The following CHST11 variants were observed in gnomAD, a reference collection of about 807,000 sequenced individuals.
The protein encoded by CHST11 is carbohydrate sulfotransferase 11, also known as C4S-1.
Under a neutral mutation model 30.4 loss-of-function variants are expected in CHST11, and 9 were observed. The ratio of observed to expected loss-of-function variants is 0.30; its 90% CI spans 0.18 to 0.52. The LOEUF is 0.52. Among genes scored for constraint, CHST11 ranks in the 20% least tolerant of loss-of-function variants. CHST11 has a pLI of 0.97. For missense variants in CHST11, 348 were observed against 460.6 expected, an observed-to-expected ratio of 0.76 and a Z score of 2.24; for synonymous variants, 152 against 187.8, an observed-to-expected ratio of 0.81 and a Z score of 1.56.
At chr12:104,556,806 C>T (rs1459367692) in intron 1 of CHST11, among the ~76,000 whole-genome samples, 1 of 152,092 alleles carries the variant, frequency 6.6e-6, no homozygotes, top group Non-Finnish European at 1.5e-5. Flanking sequence ...CATGGTGAAA[C>T]CCTGTCTCTA....
Position 104,600,875 on chromosome 12 carries a change from C to T in CHST11, c.119-1031C>T, listed in dbSNP as rs539951613. On this transcript the variant is annotated intron_variant, in intron 1 of 2. Coordinates refer to ENST00000303694, the MANE Select transcript of CHST11 (RefSeq NM_018413.6). This position sits in a 1 kb window ranked among gnomAD's most constrained non-coding sequence, Gnocchi z 4.1. Reference sequence around the variant, plus strand: ...TTTTCCCTCTCTCCTTCTTTCCTTTCTTCCTTCCCTCCCTTCTTCCCTCCT... The same window carrying T: ...TTTTCCCTCTCTCCTTCTTTCCTTTTTTCCTTCCCTCCCTTCTTCCCTCCT... Among the ~76,000 whole-genome samples, 4 of 150,476 alleles carry T rather than the reference C, an allele frequency of 2.7e-5. No individual in the cohort carries two copies. Among genetic ancestry groups the T allele is most frequent in the East Asian group, 2.0e-4 (1 of 5,102 alleles).
chr12:104,573,389 C>T (rs1732384943), intron 1 of CHST11, among the ~76,000 whole-genome samples: 1 of 151,864 alleles, frequency 6.6e-6, no homozygotes, highest in Non-Finnish European at 1.5e-5. Context: ...CAAAAAAGAG[C>T]CCGCATTGCC....
chr12:104,529,896 G>A (rs2038164072), intron 1 of CHST11, among the ~76,000 whole-genome samples: 2 of 152,186 alleles, frequency 1.3e-5, no homozygotes, highest in African/African-American at 2.4e-5. Flanking sequence ...GGTGGCTCAT[G>A]CCTGTAATCC....
Position 104,618,222 on chromosome 12 carries a change from TTC to T in CHST11, c.204+16233_204+16234del, listed in dbSNP as rs368895089. On this transcript the variant is annotated intron_variant, in intron 2 of 2. Coordinates refer to ENST00000303694, the MANE Select transcript of CHST11 (RefSeq NM_018413.6). Reference sequence around the variant, plus strand: ...GTGCCTGGCTTCTTCTTCTTTTCTTTTCTTTTTTTTTTTTTTTTTAAAGCAGG... The same window carrying T: ...GTGCCTGGCTTCTTCTTCTTTTCTTTTTTTTTTTTTTTTTTTTAAAGCAGG... Among the ~76,000 whole-genome samples, 1,044 of 123,500 alleles carry T rather than the reference TTC, an allele frequency of 8.5e-3. 24 individuals carry two copies. The highest frequency in any genetic ancestry group is 0.027 in the African/African-American group (882 of 33,024). 81.0% of individuals were successfully genotyped at this position (123,500 alleles called of 152,430 possible). A position where few individuals can be genotyped will look rare whatever the true frequency, so the allele number is the denominator to read the frequency against.
intron 1 of CHST11, among the ~76,000 whole-genome samples, chr12:104,485,365 G>T (rs911788810): frequency 6.6e-6 from 1 of 152,228 alleles, no homozygotes; most frequent in Non-Finnish European, 1.5e-5. Flanking sequence ...TAGAGACTTT[G>T]TATTTGATCT....
In CHST11 at chr12:104,680,720, G is replaced by A. The variant is rs558257561; in HGVS notation, c.205-76229G>A. 2.8e-4 allele frequency among the ~76,000 whole-genome samples: 43 copies of A among 152,322 alleles called. No individual in the cohort carries two copies. In the South Asian group the frequency reaches 7.2e-3, roughly 26 times the overall value. ...TCTGGTATGTGCCCACCCAAACCAC[G>A]TTTGAAATCATCAGGTCACCCTGAC... is the stretch of plus-strand genomic sequence containing the variant. On this transcript the variant is annotated intron_variant, in intron 2 of 2. Coordinates refer to ENST00000303694, the MANE Select transcript of CHST11 (RefSeq NM_018413.6).
chr12:104,732,000 G>A (rs1031974387), intron 2 of CHST11, among the ~76,000 whole-genome samples: 2 of 152,242 alleles, frequency 1.3e-5, no homozygotes, highest in Non-Finnish European at 2.9e-5. Flanking sequence ...ATGGCAGAAA[G>A]TCCACCCCAA....
At chr12:104,541,299 C>T (rs1418340047) in intron 1 of CHST11, among the ~76,000 whole-genome samples, 1 of 152,176 alleles carries the variant, frequency 6.6e-6, no homozygotes, top group Non-Finnish European at 1.5e-5. Flanking sequence ...TGATTCATCT[C>T]GTGTCAGTGA....
intron 1 of CHST11, among the ~76,000 whole-genome samples, chr12:104,518,468 T>C (rs754060930): frequency 2.6e-5 from 4 of 152,142 alleles, no homozygotes; most frequent in Non-Finnish European, 5.9e-5. Context: ...CCAGATTCAG[T>C]TGGACTCTGA....
At chr12:104,483,569 G>A (rs1194354348) in intron 1 of CHST11, among the ~76,000 whole-genome samples, 1 of 152,214 alleles carries the variant, frequency 6.6e-6, no homozygotes, top group Non-Finnish European at 1.5e-5. Flanking sequence ...CCCTCAGGAT[G>A]TGATTCATTC....
chr12:104,718,469 C>T (rs956601289), intron 2 of CHST11, among the ~76,000 whole-genome samples: 4 of 152,212 alleles, frequency 2.6e-5, no homozygotes, highest in Non-Finnish European at 4.4e-5. Context: ...GTGGCCAGCC[C>T]AGTGTCACTC....
intron 1 of CHST11, among the ~76,000 whole-genome samples, chr12:104,542,019 A>G (rs1248918980): frequency 2.4e-4 from 36 of 152,364 alleles, no homozygotes. Context: ...TTTCATGTCC[A>G]CTATTTCATT....
intron 2 of CHST11, among the ~76,000 whole-genome samples, chr12:104,623,914 G>A (rs2039186423): frequency 1.3e-5 from 2 of 152,130 alleles, no homozygotes; most frequent in Admixed American, 6.5e-5. Flanking sequence ...CTCTAGCCAC[G>A]AAGCCTTGTG....
At chr12:104,529,136 A>G (rs1053110359) in intron 1 of CHST11, among the ~76,000 whole-genome samples, 5 of 152,200 alleles carry the variant, frequency 3.3e-5, no homozygotes, top group African/African-American at 1.2e-4. Context: ...GAGGCTGGGG[A>G]AGGAGATGAG....
intron 2 of CHST11, among the ~76,000 whole-genome samples, chr12:104,725,055 T>A (rs1248146642): frequency 2.6e-5 from 4 of 152,086 alleles, no homozygotes; most frequent in Non-Finnish European, 5.9e-5. Flanking sequence ...GAGCCCCAGT[T>A]CTGGTATGGA....
At chr12:104,478,335 AC>A (rs1323989124) in intron 1 of CHST11, among the ~76,000 whole-genome samples, 2 of 152,010 alleles carry the variant, frequency 1.3e-5, no homozygotes, top group Non-Finnish European at 2.9e-5. Context: ...CATACCAGAG[AC>A]CCCAAAATAC....
chr12:104,651,565 G>C (rs1265049546), intron 2 of CHST11, among the ~76,000 whole-genome samples: 2 of 152,114 alleles, frequency 1.3e-5, no homozygotes, highest in Non-Finnish European at 2.9e-5. Context: ...CCTTGACCTG[G>C]GGGCCAGTCC....
chr12:104,587,865 A>G (rs2038820676), intron 1 of CHST11, among the ~76,000 whole-genome samples: 1 of 142,224 alleles, frequency 7.0e-6, no homozygotes, highest in African/African-American at 2.6e-5. Flanking sequence ...TTTGAGATGG[A>G]GTCTCACTCT....
intron 1 of CHST11, among the ~76,000 whole-genome samples, chr12:104,554,596 G>A (rs2038436749): frequency 6.6e-6 from 1 of 152,200 alleles, no homozygotes; most frequent in Non-Finnish European, 1.5e-5. Context: ...GGGAAGCTGG[G>A]GCCCCACAGA....
Sources: allele counts gnomAD v4.1 joint callset (sites outside exome capture counted in the v4.1 genomes callset), GRCh38; gene constraint gnomAD v4.1.1; non-coding constraint Gnocchi (gnomAD v3.1); transcripts MANE v1.5; gene names NCBI Gene and HGNC (gene_info 2026-07-23, HGNC 2026-07-21).